Variants in EIF3B observed in about 807,000 individuals in gnomAD.
EIF3B encodes eukaryotic translation initiation factor 3 subunit 9.
A neutral mutation model predicts 104.6 loss-of-function variants in EIF3B; 10 were observed. The ratio of observed to expected loss-of-function variants is 0.10; its 90% confidence interval spans 0.06 to 0.16. EIF3B has a LOEUF of 0.16. Among genes scored for constraint, EIF3B ranks in the 10% least tolerant of loss-of-function variants. The pLI is 1.00. For synonymous variants in EIF3B, 542 were observed against 417.2 expected (o/e 1.30, Z -3.65); for missense variants, 1,014 against 1,087.9 (o/e 0.93, Z 0.96).
intron 6 of EIF3B, 137 bp from the exon 7 acceptor site, chr7:2,366,180 T>G: frequency 2.4e-6 from 2 of 848,160 alleles, no homozygotes; most frequent in Non-Finnish European, 3.6e-6. Flanking sequence ...TCCGCTTGGG[T>G]CTCTTGGGGC....
intron 9 of EIF3B, among the ~76,000 whole-genome samples, chr7:2,367,611 A>G (rs988641274): frequency 2.0e-5 from 3 of 151,580 alleles, no homozygotes; most frequent in African/African-American, 7.3e-5. Context: ...CTGGGACTAC[A>G]GGCATGTGCC....
intron 17 of EIF3B, 33 bp from the exon 18 acceptor site, chr7:2,379,361 C>T (rs753910067): frequency 3.8e-6 from 6 of 1,562,056 alleles, no homozygotes; most frequent in South Asian, 1.2e-5. Flanking sequence ...GGCATGTGCC[C>T]CCATGGGTGA....
chr7:2,362,738 G>C lies in EIF3B; in HGVS notation c.786G>C (p.Arg262=). 1.2e-6 allele frequency: 2 copies of C among 1,614,156 alleles called. No individual in the cohort carries two copies. Among genetic ancestry groups the C allele is most frequent in the East Asian group, 2.2e-5 (1 of 44,874 alleles). Residue 262 remains arginine (R), a synonymous_variant, in exon 3 of 19, where the codon CGG becomes CGC. Coordinates refer to ENST00000360876, the MANE Select transcript of EIF3B (RefSeq NM_001037283.2). ...AGCTTGACAAGCAGCACACATTCCG[G>C]GTCAACCTCTTTACGGATTTTGACA... ...GYKLDKQHTF[R]VNLFTDFDKY... is the part of the protein sequence containing the mutation.
chr7:2,360,124 C>G (rs1779652648), intron 1 of EIF3B, among the ~76,000 whole-genome samples: 1 of 152,136 alleles, frequency 6.6e-6, no homozygotes, highest in Non-Finnish European at 1.5e-5. Flanking sequence ...ATGAAAATCA[C>G]TGGGAACAGG....
At position 2,355,272 on chromosome 7, in the gene EIF3B, C is replaced by A; in HGVS notation, c.351C>A (p.Ser117=). 2 of 1,532,744 alleles carry A rather than the reference C, an allele frequency of 1.3e-6. No homozygotes were observed. Among genetic ancestry groups the A allele is most frequent in the East Asian group, 2.5e-5 (1 of 40,680 alleles). 94.9% of individuals were successfully genotyped at this position (1,532,744 alleles called of 1,614,324 possible). Residue 117 remains serine, a synonymous_variant, in exon 1 of 19, where the codon TCC becomes TCA. Coordinates refer to ENST00000360876, the MANE Select transcript of EIF3B (RefSeq NM_001037283.2). The part of the protein sequence containing the change: ...APGEQARDER[S]DSRAQAVSED... ...GAGAGCAGGCTCGGGACGAGCGCTCCGACAGCCGGGCCCAGGCGGTGTCCG... is the reference window on the plus strand; with the variant it reads ...GAGAGCAGGCTCGGGACGAGCGCTCAGACAGCCGGGCCCAGGCGGTGTCCG...
chr7:2,366,567 T>C lies in EIF3B; in HGVS notation c.1332T>C (p.Asp444=), dbSNP rs770644085. The change falls in exon 8 of 19, where the codon GAT becomes GAC. Residue 444 remains aspartate, a synonymous_variant. Coordinates refer to ENST00000360876, the MANE Select transcript of EIF3B (RefSeq NM_001037283.2). ...AATTCTTTGCCAGAATGACCCTGGATACGCTTAGCATCTATGAAACTCCTG... is the reference window on the plus strand; with the variant it reads ...AATTCTTTGCCAGAATGACCCTGGACACGCTTAGCATCTATGAAACTCCTG... ...DGKFFARMTL[D]TLSIYETPSM... 6.2e-6 allele frequency: 10 copies of C among 1,614,220 alleles called. No homozygotes were observed. The South Asian group carries it at 8.8e-5, about 14-fold the overall frequency.
At position 2,365,651 on chromosome 7, in the gene EIF3B, TTTTGTTTG is replaced by T. The variant is rs200381047; in HGVS notation, c.1158-646_1158-639del. On this transcript the variant is annotated intron_variant, in intron 6 of 18. Coordinates refer to ENST00000360876, the MANE Select transcript of EIF3B (RefSeq NM_001037283.2). ...CTTTCGAACTGGATGGGACTTGTTT[TTTTGTTTG>T]TTTGTTTGTTTGTTTGTTTTGTTTT... Among the ~76,000 whole-genome samples, 10 of 102,850 alleles carry T rather than the reference TTTTGTTTG, an allele frequency of 9.7e-5. No homozygotes were observed. The South Asian group carries it at 1.0e-3, about 11-fold the overall frequency. 67.5% of individuals were successfully genotyped at this position (102,850 alleles called of 152,430 possible). A position where few individuals can be genotyped will look rare whatever the true frequency, so the allele number is the denominator to read the frequency against.
chr7:2,370,244 A>T (rs537506120), intron 10 of EIF3B, among the ~76,000 whole-genome samples: 22 of 152,150 alleles, frequency 1.4e-4, no homozygotes, highest in African/African-American at 5.3e-4. Context: ...TGGGAGGCCG[A>T]GGTGGGCGGA....
rs906879302 is a variant in EIF3B at position 2,369,565 on chromosome 7, T to C, written c.1497T>C (p.Pro499=). The change falls in exon 10 of 19, where the codon CCT becomes CCC. Residue 499 remains proline (P), a synonymous_variant. Transcript: ENST00000360876. ...IPARVTLMQL[P]TRQEIRVRNL... is the part of the protein sequence containing the mutation. ...CCAGGGTAACCCTGATGCAGCTCCC[T>C]ACCAGGCAAGAGATCCGAGTGAGGA... The C allele has an allele frequency of 6.2e-7, 1 of 1,614,052 alleles. No individual in the cohort carries two copies. The highest frequency in any genetic ancestry group is 1.7e-5 in the Admixed American group (1 of 60,002).
Position 2,372,815 on chromosome 7 carries a change from TC to T in EIF3B, c.1810+22del. 1.2e-6 allele frequency: 2 copies of T among 1,612,038 alleles called. No individual in the cohort carries two copies. The highest frequency in any genetic ancestry group is 4.5e-5 in the East Asian group (2 of 44,866). Reference sequence around the variant, plus strand: ...TCATCAGTAAGTAACCTGGTCCCTTTCCTCTTCTGAGTAGGTCAGCACAGAT... The same window carrying T: ...TCATCAGTAAGTAACCTGGTCCCTTTCTCTTCTGAGTAGGTCAGCACAGAT... On this transcript the variant is annotated intron_variant, in intron 12 of 18. Transcript: ENST00000360876.
intron 6 of EIF3B, among the ~76,000 whole-genome samples, chr7:2,365,131 G>A (rs1285581181): frequency 1.3e-5 from 2 of 152,196 alleles, no homozygotes; most frequent in African/African-American, 2.4e-5. Flanking sequence ...TTTATTTTTT[G>A]TAGAGATGGG....
At position 2,380,456 on chromosome 7, in the gene EIF3B, A is replaced by G. The variant is rs1332411527; in HGVS notation, c.*267A>G. 1 of 508,662 alleles carries G rather than the reference A, an allele frequency of 2.0e-6. No individual in the cohort carries two copies. The highest frequency in any genetic ancestry group is 1.9e-5 in the African/African-American group (1 of 51,294). 31.5% of individuals were successfully genotyped at this position (508,662 alleles called of 1,614,324 possible). A position where few individuals can be genotyped will look rare whatever the true frequency, so the allele number is the denominator to read the frequency against. On this transcript the variant is annotated 3_prime_UTR_variant, in exon 19 of 19. Transcript: ENST00000360876. ...TGGGGGATTTAAGGCACCCGCTTCC[A>G]CTTCTTTCTTGTTTGGAGTTTTCTG...
rs1327056105 is a variant in EIF3B at position 2,362,509 on chromosome 7, C to G, written c.693-136C>G. 5 of 1,113,982 alleles carry G rather than the reference C, an allele frequency of 4.5e-6. No homozygotes were observed. In the African/African-American group the frequency reaches 7.7e-5, roughly 17 times the overall value. The allele number at this position is 1,113,982 out of a possible 1,614,324, so 69.0% of individuals were successfully genotyped here. On this transcript the variant is annotated intron_variant, in intron 2 of 18. Transcript: ENST00000360876. The stretch of plus-strand genomic sequence containing the variant: ...GTGGATCTGTCCCCCGTGTGACTGC[C>G]TTAGGCTCGAGGCAGGAAGAGCAGC...
At chr7:2,368,229 A>T (rs1357471073) in intron 9 of EIF3B, among the ~76,000 whole-genome samples, 4 of 151,790 alleles carry the variant, frequency 2.6e-5, no homozygotes, top group African/African-American at 9.7e-5. Flanking sequence ...TGCAGCCTTC[A>T]CCTCCCAGGT....
chr7:2,366,632 T>C, intron 8 of EIF3B, 41 bp downstream of exon 8: 1 of 1,606,976 alleles, frequency 6.2e-7, no homozygotes, highest in Non-Finnish European at 8.5e-7. Context: ...GTCCGGTCCT[T>C]GCTTGTAACC....
At chr7:2,379,895 C>T (rs1780903830) in intron 18 of EIF3B, 1 of 267,132 alleles carries the variant, frequency 3.7e-6, no homozygotes, top group Middle Eastern at 1.3e-3. Flanking sequence ...TTCAGCAGTT[C>T]TGAGACAAGA....
intron 2 of EIF3B, among the ~76,000 whole-genome samples, chr7:2,361,654 T>C (rs1382611166): frequency 1.3e-5 from 2 of 152,032 alleles, no homozygotes; most frequent in Admixed American, 6.6e-5. Flanking sequence ...CTCCTGACCT[T>C]GTGATCCACC....
chr7:2,363,096 A>T lies in EIF3B; in HGVS notation c.839A>T (p.Asp280Val). ...TATATGACGATCAGTGACGAGTGGGATATTCCAGAGAAACAGCCTTTCAAA... is the reference window on the plus strand; with the variant it reads ...TATATGACGATCAGTGACGAGTGGGTTATTCCAGAGAAACAGCCTTTCAAA... ...DKYMTISDEWDIPEKQPFKDL... is the reference protein window; with the variant it reads ...DKYMTISDEWVIPEKQPFKDL... The change falls in exon 4 of 19, where the codon GAT becomes GTT. Residue 280 changes from aspartate to valine, a missense_variant. Asp to Val is a radical substitution (Grantham distance 152, BLOSUM62 -3). This residue lies in a region of EIF3B where 488 missense variants were observed against 404.3 expected (regional missense o/e 1.21). Coordinates refer to ENST00000360876, the MANE Select transcript of EIF3B (RefSeq NM_001037283.2). 6.2e-7 allele frequency: 1 copy of T among 1,614,036 alleles called. No homozygotes were observed. The highest frequency in any genetic ancestry group is 1.1e-5 in the South Asian group (1 of 91,070).
At chr7:2,354,221 C>T (rs1185094383), upstream of EIF3B, 2 of 152,280 alleles carry the variant, frequency 1.3e-5, no homozygotes, top group African/African-American at 4.8e-5. Flanking sequence ...AACTTCCATA[C>T]ATTTTTGTAT....
Sources: gnomAD v4.1 joint callset for allele counts (sites outside exome capture counted in the v4.1 genomes callset) on GRCh38, gnomAD v4.1.1 for gene constraint, gnomAD v4.1.1 regional missense constraint, MANE v1.5 for transcripts, NCBI Gene and HGNC (gene_info 2026-07-23, HGNC 2026-07-21) for gene names.